The following CASK variants were observed in gnomAD, a reference collection of about 807,000 sequenced individuals.
The protein encoded by CASK is calcium/calmodulin dependent serine protein kinase.
Under a neutral mutation model 82.9 loss-of-function variants are expected in CASK, and 4 were observed. That is an observed-to-expected ratio of 0.05 (90% CI 0.02 to 0.11). The LOEUF (loss-of-function observed/expected upper bound fraction) is 0.11. CASK is among the 10% of genes least tolerant of loss of function. The pLI is 1.00. For synonymous variants in CASK, 259 were observed against 253.5 expected (o/e 1.02, Z -0.20); for missense variants, 358 against 720.9 (o/e 0.50, Z 5.76).
chrX:41,563,473 T>C (rs1202738429), intron 16 of CASK, among the ~76,000 whole-genome samples: 1 of 89,484 alleles, frequency 1.1e-5, no homozygotes, highest in African/African-American at 4.2e-5. Flanking sequence ...AATTAGGTCA[T>C]AAAACAATGA....
At chrX:41,752,152 GA>G (rs1359345475) in intron 3 of CASK, among the ~76,000 whole-genome samples, 1 of 110,925 alleles carries the variant, frequency 9.0e-6, no homozygotes, top group Admixed American at 9.6e-5. Flanking sequence ...CGAGTACTCA[GA>G]GTATGTTTCC....
intron 5 of CASK, among the ~76,000 whole-genome samples, chrX:41,730,502 C>T (rs2068375865): frequency 9.0e-6 from 1 of 111,346 alleles, no homozygotes; most frequent in Non-Finnish European, 1.9e-5. Flanking sequence ...AGTATCAATT[C>T]GTTTATAGTA....
At chrX:41,820,398 C>A (rs1380894879) in intron 2 of CASK, among the ~76,000 whole-genome samples, 1 of 110,765 alleles carries the variant, frequency 9.0e-6, no homozygotes, top group Non-Finnish European at 1.9e-5. Context: ...AAAATTTTAA[C>A]ATAATACTAT....
Position 41,633,619 on chromosome X carries a change from G to A in CASK, c.915+2959C>T, listed in dbSNP as rs185888794. On this transcript the variant is annotated intron_variant, in intron 9 of 26. Transcript: ENST00000378163. ...TTCTTTTTTTTTATTTTTTTTTAAT[G>A]AAGTATTACAATTCCAGAGCTTAGT... Among the ~76,000 whole-genome samples the A allele has an allele frequency of 3.1e-3, 331 of 105,496 alleles. 1 individual carries two copies. The highest frequency in any genetic ancestry group is 0.011 in the African/African-American group (317 of 27,908). The allele number at this position is 105,496 out of a possible 115,157, so 91.6% of individuals were successfully genotyped here. A position where few individuals can be genotyped will look rare whatever the true frequency, so the allele number is the denominator to read the frequency against.
intron 1 of CASK, among the ~76,000 whole-genome samples, chrX:41,910,947 T>C (rs757395339): frequency 4.5e-5 from 5 of 112,081 alleles, no homozygotes; most frequent in Non-Finnish European, 9.4e-5. Flanking sequence ...TTTAGCATGC[T>C]GTTAAAAATG....
chrX:41,769,599 T>A (rs771458990), intron 3 of CASK, among the ~76,000 whole-genome samples: 1 of 110,546 alleles, frequency 9.0e-6, no homozygotes, highest in African/African-American at 3.3e-5. Context: ...AAATCTTGAG[T>A]AAGAAAGTCT....
chrX:41,679,105 T>TA (rs1027819839), intron 5 of CASK, among the ~76,000 whole-genome samples: 11 of 106,190 alleles, frequency 1.0e-4, no homozygotes, highest in African/African-American at 1.7e-4. Flanking sequence ...CTATAAAAAG[T>TA]AAAAAAAAAA....
At chrX:41,728,128 G>A in intron 5 of CASK, 4 of 409,486 alleles carry the variant, frequency 9.8e-6, no homozygotes, top group Admixed American at 5.4e-5. Context: ...GTCACAGCTT[G>A]GTTGACAATA....
chrX:41,601,191 T>C (rs2065889586), intron 12 of CASK, among the ~76,000 whole-genome samples: 1 of 111,325 alleles, frequency 9.0e-6, no homozygotes, highest in Admixed American at 9.6e-5. Flanking sequence ...GATGGTTGTA[T>C]AACAATGTGA....
chrX:41,554,408 T>A (rs1386616667), intron 20 of CASK, among the ~76,000 whole-genome samples: 1 of 112,217 alleles, frequency 8.9e-6, no homozygotes, highest in Non-Finnish European at 1.9e-5. Context: ...AATGCTTATA[T>A]GACAACTGGC....
At chrX:41,670,424 G>A (rs1395389138) in intron 6 of CASK, among the ~76,000 whole-genome samples, 2 of 112,331 alleles carry the variant, frequency 1.8e-5, no homozygotes, top group Non-Finnish European at 3.8e-5. Context: ...TAATTTTAGA[G>A]GGCACTGTGG....
At chrX:41,629,272 C>A (rs1244201649) in intron 9 of CASK, among the ~76,000 whole-genome samples, 1 of 111,621 alleles carries the variant, frequency 9.0e-6, no homozygotes, top group Non-Finnish European at 1.9e-5. Context: ...AGCCATGGTG[C>A]CCCACCTAAT....
intron 9 of CASK, among the ~76,000 whole-genome samples, chrX:41,634,662 CAT>C (rs2066525232): frequency 8.9e-6 from 1 of 112,493 alleles, no homozygotes; most frequent in African/African-American, 3.2e-5. Context: ...CGTAATGTCA[CAT>C]GAGGCCAAAG....
At chrX:41,542,429 G>A (rs1056221676) in intron 22 of CASK, among the ~76,000 whole-genome samples, 3 of 113,074 alleles carry the variant, frequency 2.7e-5, no homozygotes, top group Admixed American at 1.9e-4. Flanking sequence ...AGGACTTAAC[G>A]TGTTGGATTC....
intron 11 of CASK, among the ~76,000 whole-genome samples, chrX:41,617,490 C>G (rs2066220338): frequency 8.9e-6 from 1 of 112,281 alleles, no homozygotes; most frequent in Admixed American, 9.4e-5. Flanking sequence ...GGAATAAATA[C>G]ATATTTTTGG....
chrX:41,642,609 G>A (rs2066678653), intron 8 of CASK, among the ~76,000 whole-genome samples: 1 of 111,767 alleles, frequency 8.9e-6, no homozygotes, highest in Non-Finnish European at 1.9e-5. Context: ...TTTTTTTCTT[G>A]TAAATTTGTT....
intron 1 of CASK, among the ~76,000 whole-genome samples, chrX:41,857,122 G>A (rs182194491): frequency 5.4e-5 from 6 of 111,182 alleles, no homozygotes; most frequent in Non-Finnish European, 7.5e-5. Flanking sequence ...CACCTTCGGA[G>A]CTCTCTTAAT....
intron 6 of CASK, among the ~76,000 whole-genome samples, chrX:41,669,091 C>T (rs750744044): frequency 9.0e-6 from 1 of 111,515 alleles, no homozygotes; most frequent in Non-Finnish European, 1.9e-5. Context: ...AATAATTTAT[C>T]TCTAATTTAT....
chrX:41,757,798 C>T (rs2068925820), intron 3 of CASK, among the ~76,000 whole-genome samples: 2 of 112,273 alleles, frequency 1.8e-5, no homozygotes, highest in Admixed American at 1.9e-4. Context: ...CTGCACCTGG[C>T]AGTTACTATT....
Sources: gnomAD v4.1 joint callset for allele counts (sites outside exome capture counted in the v4.1 genomes callset) on GRCh38, gnomAD v4.1.1 for gene constraint, MANE v1.5 for transcripts, NCBI Gene and HGNC (gene_info 2026-07-23, HGNC 2026-07-21) for gene names.